The following CNTNAP2 variants were observed in gnomAD, a reference collection of about 807,000 sequenced individuals.
CNTNAP2 encodes the protein contactin-associated protein-like 2.
A neutral mutation model predicts 155.2 loss-of-function variants in CNTNAP2; 98 were observed. The observed-to-expected ratio is 0.63, with a 90% CI of 0.54 to 0.75. The LOEUF (loss-of-function observed/expected upper bound fraction) is 0.75. CNTNAP2 is among the 30% of genes least tolerant of loss of function. The pLI, the probability that CNTNAP2 is intolerant of heterozygous loss-of-function variation, is 0.00. For missense variants in CNTNAP2, 1,727 were observed against 1,688.1 expected, an observed-to-expected ratio of 1.02 and a Z score of -0.40; for synonymous variants, 651 against 631.2, an observed-to-expected ratio of 1.03 and a Z score of -0.47.
intron 1 of CNTNAP2, among the ~76,000 whole-genome samples, chr7:146,387,645 A>C (rs562866801): frequency 1.3e-5 from 2 of 152,290 alleles, no homozygotes; most frequent in Admixed American, 1.3e-4. Context: ...CCTACTGCAT[A>C]GTAGATGGGA....
chr7:146,863,897 G>A (rs7779328), intron 3 of CNTNAP2, among the ~76,000 whole-genome samples: 47,497 of 151,866 alleles, frequency 0.31, 7,698 homozygotes, highest in African/African-American at 0.41. Flanking sequence ...ATGCTTAGCT[G>A]TATTTATCAA....
intron 3 of CNTNAP2, among the ~76,000 whole-genome samples, chr7:146,860,302 G>A (rs1795073113): frequency 6.6e-6 from 1 of 152,276 alleles, no homozygotes; most frequent in Non-Finnish European, 1.5e-5. Context: ...CAAGAAGCTT[G>A]CACACCAGGG....
chr7:146,965,725 A>G (rs1412112733), intron 3 of CNTNAP2, among the ~76,000 whole-genome samples: 2 of 152,194 alleles, frequency 1.3e-5, no homozygotes, highest in South Asian at 2.1e-4. Context: ...TATCCAGGCT[A>G]TAGAAAACCG....
intron 3 of CNTNAP2, among the ~76,000 whole-genome samples, chr7:147,033,183 T>C (rs928805333): frequency 7.5e-5 from 10 of 132,538 alleles, no homozygotes; most frequent in South Asian, 2.6e-4. Flanking sequence ...TATATATATA[T>C]ATATATATAT....
At chr7:147,795,751 AG>A (rs1797883476) in intron 13 of CNTNAP2, among the ~76,000 whole-genome samples, 1 of 152,176 alleles carries the variant, frequency 6.6e-6, no homozygotes, top group East Asian at 1.9e-4. Flanking sequence ...GTTATTAACT[AG>A]TTGAATGATC....
intron 1 of CNTNAP2, among the ~76,000 whole-genome samples, chr7:146,638,923 T>C (rs1703446213): frequency 2.0e-5 from 3 of 152,160 alleles, no homozygotes; most frequent in Non-Finnish European, 1.5e-5. Flanking sequence ...GTATAACCTA[T>C]GGTTCCAAGG....
rs888630710 is a variant in CNTNAP2 at position 146,155,180 on chromosome 7, G to T, written c.97+38207G>T. ...GTCAGACTGGAATTTTAATCTACTT[G>T]TACCTGACATTGGATCCTAGACTCT... is the stretch of plus-strand genomic sequence containing the variant. On this transcript the variant is annotated intron_variant, in intron 1 of 23. Coordinates refer to ENST00000361727, the MANE Select transcript of CNTNAP2 (RefSeq NM_014141.6). Among the ~76,000 whole-genome samples, 26 of 152,128 alleles carry T rather than the reference G, an allele frequency of 1.7e-4. 1 individual carries two copies. The highest frequency in any genetic ancestry group is 1.7e-3 in the Admixed American group (26 of 15,256).
intron 15 of CNTNAP2, among the ~76,000 whole-genome samples, chr7:148,080,881 C>G (rs552853283): frequency 6.6e-6 from 1 of 152,184 alleles, no homozygotes; most frequent in Admixed American, 6.5e-5. Flanking sequence ...GTGAATTGTC[C>G]TCATCATACA....
At chr7:146,141,249 G>A (rs1797877940) in intron 1 of CNTNAP2, among the ~76,000 whole-genome samples, 1 of 152,140 alleles carries the variant, frequency 6.6e-6, no homozygotes, top group Non-Finnish European at 1.5e-5. Flanking sequence ...GTGATTCTAG[G>A]TGTGAGTAAA....
chr7:147,802,583 G>A (rs866647351), intron 13 of CNTNAP2, among the ~76,000 whole-genome samples: 322 of 152,248 alleles, frequency 2.1e-3, no homozygotes, highest in Non-Finnish European at 3.7e-3. Context: ...AGACCAGCCC[G>A]GCCAACACAG....
intron 11 of CNTNAP2, among the ~76,000 whole-genome samples, chr7:147,515,134 G>T (rs538522113): frequency 6.6e-6 from 1 of 152,026 alleles, no homozygotes; most frequent in South Asian, 2.1e-4. Context: ...GATTCTCAGG[G>T]CATGGCGTGT....
intron 1 of CNTNAP2, among the ~76,000 whole-genome samples, chr7:146,246,561 A>T (rs13220937): frequency 1.1e-4 from 17 of 150,162 alleles, no homozygotes; most frequent in Non-Finnish European, 4.4e-5. Flanking sequence ...AAGGGGACAG[A>T]CTTACCCTCC....
intron 13 of CNTNAP2, among the ~76,000 whole-genome samples, chr7:147,875,770 T>G (rs1287579040): frequency 2.0e-5 from 3 of 152,142 alleles, no homozygotes; most frequent in Non-Finnish European, 4.4e-5. Context: ...GTTTTAAAAA[T>G]GCTTAACATA....
At chr7:146,507,030 TGTACTCAGG>T (rs1156919870) in intron 1 of CNTNAP2, among the ~76,000 whole-genome samples, 1 of 152,166 alleles carries the variant, frequency 6.6e-6, no homozygotes, top group Non-Finnish European at 1.5e-5. Flanking sequence ...ATAAGGGGCT[TGTACTCAGG>T]GTACTCTGCT....
intron 15 of CNTNAP2, among the ~76,000 whole-genome samples, chr7:148,008,039 A>T (rs1051329195): frequency 6.6e-6 from 1 of 152,122 alleles, no homozygotes; most frequent in African/African-American, 2.4e-5. Flanking sequence ...TTCGCTGGGT[A>T]GGTAGAATCT....
chr7:146,735,325 G>C (rs747566415), intron 1 of CNTNAP2, among the ~76,000 whole-genome samples: 1 of 152,146 alleles, frequency 6.6e-6, no homozygotes, highest in East Asian at 1.9e-4. Flanking sequence ...GGCCGAGACG[G>C]GCAGATGACG....
chr7:146,720,025 T>A (rs959539970), intron 1 of CNTNAP2, among the ~76,000 whole-genome samples: 1 of 152,124 alleles, frequency 6.6e-6, no homozygotes, highest in Non-Finnish European at 1.5e-5. Flanking sequence ...CAAGTACTGT[T>A]TTTTTGGTTT....
chr7:146,557,378 A>G (rs1798212863), intron 1 of CNTNAP2, among the ~76,000 whole-genome samples: 1 of 152,100 alleles, frequency 6.6e-6, no homozygotes, highest in Non-Finnish European at 1.5e-5. Flanking sequence ...GTTCGTTATT[A>G]GAACCAATGG....
chr7:146,220,610 A>G (rs1424239168), intron 1 of CNTNAP2, among the ~76,000 whole-genome samples: 1 of 152,214 alleles, frequency 6.6e-6, no homozygotes, highest in Non-Finnish European at 1.5e-5. Context: ...ACACTAGAAC[A>G]TTTTCACATT....
Sources: allele counts gnomAD v4.1 joint callset (sites outside exome capture counted in the v4.1 genomes callset), GRCh38; gene constraint gnomAD v4.1.1; transcripts MANE v1.5; gene names NCBI Gene and HGNC (gene_info 2026-07-23, HGNC 2026-07-21).